Variants in PANK1 observed in about 807,000 individuals in gnomAD.
PANK1 encodes the protein pantothenate kinase 1, also known as pantothenic acid kinase 1.
PANK1 carries 18 observed loss-of-function variants against 40.1 expected under a neutral mutation model. The observed-to-expected ratio is 0.45, with a 90% CI of 0.31 to 0.67. The LOEUF (loss-of-function observed/expected upper bound fraction) is 0.67. Among genes scored for constraint, PANK1 ranks in the 30% least tolerant of loss-of-function variants. The pLI is 0.06. For synonymous variants in PANK1, 242 were observed against 237.7 expected (o/e 1.02, Z -0.17); for missense variants, 457 against 599.6 (o/e 0.76, Z 2.48).
At chr10:89,588,942 A>G (rs554023580) in intron 5 of PANK1, among the ~76,000 whole-genome samples, 165 bp from the exon 6 acceptor site, 12 of 152,316 alleles carry the variant, frequency 7.9e-5, no homozygotes, top group African/African-American at 2.6e-4. Flanking sequence ...AACCAACCTT[A>G]TAGTGCATTC....
Position 89,644,562 on chromosome 10 carries a change from C to T in PANK1, c.292+38G>A, listed in dbSNP as rs1156905354. On this transcript the variant is annotated intron_variant, in intron 1 of 6. Transcript: ENST00000307534. The stretch of plus-strand genomic sequence containing the variant: ...CAGTCCCGGGCCCCGCACGCTGCGT[C>T]TGCCTTGCGCCCGCGCTCCCCTCCC... The T allele has an allele frequency of 6.4e-6, 10 of 1,555,276 alleles. No individual in the cohort carries two copies. In the South Asian group the frequency reaches 1.2e-4, roughly 18 times the overall value.
chr10:89,582,406 T>C (rs1477367451), downstream of PANK1: 2 of 152,232 alleles, frequency 1.3e-5, no homozygotes, highest in Non-Finnish European at 2.9e-5. Flanking sequence ...ATTTGTATAA[T>C]GGAATAATGT....
At chr10:89,586,849 G>A (rs952431520) in intron 6 of PANK1, among the ~76,000 whole-genome samples, 1 of 152,156 alleles carries the variant, frequency 6.6e-6, no homozygotes, top group Non-Finnish European at 1.5e-5. Context: ...CAAGTAAGGG[G>A]GCCGGGGTGG....
chr10:89,604,692 C>CAT (rs772340030), intron 2 of PANK1, among the ~76,000 whole-genome samples: 2 of 80,010 alleles, frequency 2.5e-5, no homozygotes, highest in Admixed American at 1.5e-4. Flanking sequence ...AACTCCGTCT[C>CAT]AAAAAAAAAA....
At chr10:89,600,130 A>G (rs1048272738) in intron 2 of PANK1, among the ~76,000 whole-genome samples, 9 of 152,224 alleles carry the variant, frequency 5.9e-5, no homozygotes, top group Non-Finnish European at 7.3e-5. Context: ...TGGCATTAAG[A>G]ACTACAAACG....
intron 1 of PANK1, chr10:89,639,145 T>C (rs1025760494): frequency 2.3e-6 from 1 of 426,172 alleles, no homozygotes; most frequent in East Asian, 7.1e-5. Flanking sequence ...TTTATTTGGC[T>C]TACAGTTCTG....
chr10:89,581,939 G>A (rs1844059598), downstream of PANK1: 1 of 152,178 alleles, frequency 6.6e-6, no homozygotes, highest in African/African-American at 2.4e-5. Flanking sequence ...ACGGAGATTG[G>A]TGAAACATCT....
intron 1 of PANK1, chr10:89,639,090 C>T: frequency 3.0e-6 from 1 of 337,244 alleles, no homozygotes; most frequent in South Asian, 2.3e-5. Flanking sequence ...GTTTGTGTTG[C>T]TATAATAGAA....
At chr10:89,582,052 G>A (rs1844061531), downstream of PANK1, 1 of 152,144 alleles carries the variant, frequency 6.6e-6, no homozygotes, top group African/African-American at 2.4e-5. Flanking sequence ...CATTAATGAA[G>A]CATTTACTTT....
At chr10:89,604,282 A>G (rs1844874895) in intron 2 of PANK1, among the ~76,000 whole-genome samples, 1 of 152,202 alleles carries the variant, frequency 6.6e-6, no homozygotes, top group Non-Finnish European at 1.5e-5. Flanking sequence ...CAAAACTCAC[A>G]AGTGTCTACA....
In PANK1 at chr10:89,639,515, A is replaced by G. The variant is rs78884531; in HGVS notation, c.292+5085T>C. On this transcript the variant is annotated intron_variant, in intron 1 of 6. Transcript: ENST00000307534. The stretch of plus-strand genomic sequence containing the variant: ...ACATTTTCCACATTGGGTTCTTACT[A>G]CAACTGATAAGATGGCCACCATTAT... Among the ~76,000 whole-genome samples the G allele has an allele frequency of 7.9e-3, 1,206 of 152,282 alleles. 15 individuals carry two copies. The highest frequency in any genetic ancestry group is 0.028 in the African/African-American group (1,146 of 41,546).
chr10:89,609,307 AC>A (rs1845081118), intron 2 of PANK1, among the ~76,000 whole-genome samples: 1 of 151,204 alleles, frequency 6.6e-6, no homozygotes, highest in African/African-American at 2.4e-5. Flanking sequence ...CAAGCAATCC[AC>A]CCGCCTCAAC....
chr10:89,619,942 T>G (rs956954850), intron 1 of PANK1, among the ~76,000 whole-genome samples: 1 of 152,218 alleles, frequency 6.6e-6, no homozygotes, highest in African/African-American at 2.4e-5. Context: ...CATGGACATT[T>G]ATTAGTTCCT....
intron 1 of PANK1, among the ~76,000 whole-genome samples, chr10:89,621,792 C>A (rs774146288): frequency 1.3e-5 from 2 of 152,222 alleles, no homozygotes; most frequent in South Asian, 2.1e-4. Context: ...CGGCTCACTG[C>A]AACCTCAACC....
Position 89,599,347 on chromosome 10 carries a change from A to G in PANK1, c.804T>C (p.Asp268=), listed in dbSNP as rs777812704. Reference sequence around the variant, plus strand: ...TAACCAGCAACATAGGGTATGGGTTATCAAGGCAGTACGGCTTTTTTTGAC... The same window carrying G: ...TAACCAGCAACATAGGGTATGGGTTGTCAAGGCAGTACGGCTTTTTTTGAC... ...ELCQKKPYCL[D]NPYPMLLVNM... is the part of the protein sequence containing the mutation. The change falls in exon 3 of 7, where the codon GAT becomes GAC. Residue 268 remains aspartate, a synonymous_variant. Transcript: ENST00000307534. 2.5e-6 allele frequency: 4 copies of G among 1,613,718 alleles called. No homozygotes were observed. The highest frequency in any genetic ancestry group is 1.1e-5 in the South Asian group (1 of 91,084).
intron 1 of PANK1, among the ~76,000 whole-genome samples, chr10:89,639,467 A>C (rs1037627746): frequency 7.2e-5 from 11 of 152,232 alleles, no homozygotes; most frequent in Admixed American, 7.2e-4. Flanking sequence ...ACTAGGGTCC[A>C]GGCATGGTAC....
chr10:89,608,094 C>CAA, intron 2 of PANK1, among the ~76,000 whole-genome samples: 1 of 149,114 alleles, frequency 6.7e-6, no homozygotes, highest in Non-Finnish European at 1.5e-5. Flanking sequence ...TGCAGTGTTG[C>CAA]CATCTCAGCT....
chr10:89,616,715 G>T (rs1237239503), intron 1 of PANK1, among the ~76,000 whole-genome samples: 1 of 152,114 alleles, frequency 6.6e-6, no homozygotes, highest in Non-Finnish European at 1.5e-5. Flanking sequence ...GATGTCAGGA[G>T]TTCGAGACCA....
intron 5 of PANK1, among the ~76,000 whole-genome samples, chr10:89,589,969 G>A (rs1471590712): frequency 6.7e-6 from 1 of 150,284 alleles, no homozygotes; most frequent in Non-Finnish European, 1.5e-5. Flanking sequence ...AGTAGAAGTG[G>A]CATTAAAACT....
Sources: gnomAD v4.1 joint callset for allele counts (sites outside exome capture counted in the v4.1 genomes callset) on GRCh38, gnomAD v4.1.1 for gene constraint, MANE v1.5 for transcripts, NCBI Gene and HGNC (gene_info 2026-07-23, HGNC 2026-07-21) for gene names.